The following TMEM150C variants were observed in gnomAD, a reference collection of about 807,000 sequenced individuals.
TMEM150C encodes the protein transmembrane protein 150C.
A neutral mutation model predicts 29.9 loss-of-function variants in TMEM150C; 10 were observed. The ratio of observed to expected loss-of-function variants is 0.33; its 90% CI spans 0.21 to 0.57. The LOEUF (loss-of-function observed/expected upper bound fraction) is 0.57. TMEM150C is among the 20% of genes least tolerant of loss of function. TMEM150C has a pLI of 0.88. For missense variants in TMEM150C, 251 were observed against 303.6 expected (o/e 0.83, Z 1.29); for synonymous variants, 101 against 112.5 (o/e 0.90, Z 0.64).
intron 6 of TMEM150C, among the ~76,000 whole-genome samples, chr4:82,492,864 G>GTGTGTATA (rs71666742): frequency 7.8e-5 from 7 of 90,272 alleles, no homozygotes; most frequent in South Asian, 3.8e-4. Flanking sequence ...ATATGTTTGT[G>GTGTGTATA]TATATATATA....
At chr4:82,497,676 T>A (rs189412494) in intron 5 of TMEM150C, among the ~76,000 whole-genome samples, 5 of 152,344 alleles carry the variant, frequency 3.3e-5, no homozygotes, top group Admixed American at 2.6e-4. Flanking sequence ...CGACTATTGA[T>A]CAGAAAATTA....
At position 82,485,594 on chromosome 4, in the gene TMEM150C, C is replaced by A. The variant is rs1723134241; in HGVS notation, c.667G>T (p.Val223Phe). 11 of 1,611,276 alleles carry A rather than the reference C, an allele frequency of 6.8e-6. No individual in the cohort carries two copies. The highest frequency in any genetic ancestry group is 9.3e-6 in the Non-Finnish European group (11 of 1,178,788). ...VEFRHYRYEI[V>F]CSEYQENFLS... ...AAATTCTCCTGGTACTCAGAGCAAA[C>A]AATCTCATAGCGGTAATGCCGGAAC... Residue 223 changes from valine (V) to phenylalanine (F), a missense_variant, in exon 8 of 8, where the codon GTT becomes TTT. Physicochemically the swap from Val to Phe is conservative, Grantham distance 50. Coordinates refer to ENST00000449862, the MANE Select transcript of TMEM150C (RefSeq NM_001080506.3).
intron 1 of TMEM150C, among the ~76,000 whole-genome samples, chr4:82,537,107 G>A (rs1432160062): frequency 6.6e-6 from 1 of 151,974 alleles, no homozygotes; most frequent in African/African-American, 2.4e-5. Flanking sequence ...TCAGCCTCCC[G>A]AGCAGCTGAG....
intron 6 of TMEM150C, chr4:82,491,634 A>G: frequency 1.8e-6 from 1 of 568,208 alleles, no homozygotes; most frequent in South Asian, 2.3e-5. Flanking sequence ...TCCTTTCAGC[A>G]CCTTTGGCAG....
chr4:82,505,364 A>G (rs555327110), intron 1 of TMEM150C, among the ~76,000 whole-genome samples: 1 of 152,326 alleles, frequency 6.6e-6, no homozygotes, highest in East Asian at 1.9e-4. Context: ...TTTTCATAAA[A>G]ACATTTATCC....
intron 6 of TMEM150C, chr4:82,490,976 A>G: frequency 1.4e-6 from 1 of 736,482 alleles, no homozygotes; most frequent in Non-Finnish European, 2.5e-6. Context: ...CCACCCGCTT[A>G]GCCAAAGCTC....
chr4:82,498,421 C>T (rs1317227705), intron 5 of TMEM150C, among the ~76,000 whole-genome samples: 1 of 152,212 alleles, frequency 6.6e-6, no homozygotes, highest in Non-Finnish European at 1.5e-5. Flanking sequence ...TCCTGAGCAG[C>T]TGGGACTACA....
intron 1 of TMEM150C, among the ~76,000 whole-genome samples, chr4:82,508,618 A>G (rs1050980206): frequency 6.6e-6 from 1 of 152,074 alleles, no homozygotes; most frequent in Admixed American, 6.6e-5. Flanking sequence ...GGCACCTGCC[A>G]CCACACCCGG....
intron 6 of TMEM150C, among the ~76,000 whole-genome samples, chr4:82,493,445 G>A (rs1017806001): frequency 1.1e-4 from 16 of 151,992 alleles, no homozygotes; most frequent in Non-Finnish European, 2.2e-4. Flanking sequence ...TCTGTCTGCC[G>A]TCCCATATAC....
intron 1 of TMEM150C, among the ~76,000 whole-genome samples, chr4:82,528,720 T>A (rs1348027383): frequency 6.6e-6 from 1 of 151,320 alleles, no homozygotes; most frequent in Admixed American, 6.6e-5. Context: ...TACCTAAGCC[T>A]CCTGGGTAGC....
At chr4:82,504,426 C>G (rs1723834761) in intron 2 of TMEM150C, among the ~76,000 whole-genome samples, 152 bp downstream of exon 2, 2 of 152,094 alleles carry the variant, frequency 1.3e-5, no homozygotes, top group African/African-American at 4.8e-5. Flanking sequence ...GTCTCAAACT[C>G]CTGACCTCAA....
At chr4:82,534,832 A>T (rs1014217243) in intron 1 of TMEM150C, among the ~76,000 whole-genome samples, 31 of 152,352 alleles carry the variant, frequency 2.0e-4, no homozygotes, top group African/African-American at 7.2e-4. Flanking sequence ...AATGAGAGCC[A>T]TGAAGGGGGC....
intron 1 of TMEM150C, among the ~76,000 whole-genome samples, chr4:82,510,591 G>T (rs992610257): frequency 2.0e-5 from 3 of 152,170 alleles, no homozygotes; most frequent in African/African-American, 7.2e-5. Flanking sequence ...TTTTACTGAG[G>T]ATTGAAAATA....
chr4:82,538,529 TAA>T (rs33964923), intron 1 of TMEM150C, among the ~76,000 whole-genome samples: 10,206 of 152,246 alleles, frequency 0.067, 543 homozygotes, highest in African/African-American at 0.14. Flanking sequence ...ATTCAGGATA[TAA>T]GTGTATGTAC....
intron 1 of TMEM150C, among the ~76,000 whole-genome samples, chr4:82,518,422 C>G (rs28712161): frequency 0.19 from 29,178 of 152,130 alleles, 3,172 homozygotes; most frequent in Middle Eastern, 0.32. Flanking sequence ...GTGTTGCTTA[C>G]CAGACCCGGG....
intron 5 of TMEM150C, among the ~76,000 whole-genome samples, chr4:82,498,839 G>A (rs529384239): frequency 4.3e-4 from 66 of 152,234 alleles, no homozygotes; most frequent in African/African-American, 1.5e-3. Flanking sequence ...TGGTCCCTGC[G>A]TTGCTAGCTG....
chr4:82,556,383 G>C (rs1725738157), intron 1 of TMEM150C, among the ~76,000 whole-genome samples: 1 of 152,224 alleles, frequency 6.6e-6, no homozygotes, highest in South Asian at 2.1e-4. Context: ...CAATAAAAAG[G>C]ATGCACAGTG....
At chr4:82,490,703 C>G in intron 6 of TMEM150C, 1 of 341,820 alleles carries the variant, frequency 2.9e-6, no homozygotes, top group South Asian at 2.6e-5. Context: ...CCCACCTCAG[C>G]CTCTGGAGTA....
In TMEM150C at chr4:82,507,660, T is replaced by C. The variant is rs367966977; in HGVS notation, c.-10-2993A>G. 1.3e-3 allele frequency among the ~76,000 whole-genome samples: 196 copies of C among 149,296 alleles called. 1 individual carries two copies. The highest frequency in any genetic ancestry group is 4.4e-3 in the African/African-American group (182 of 41,066). On this transcript the variant is annotated intron_variant, in intron 1 of 7. Transcript: ENST00000449862. The stretch of plus-strand genomic sequence containing the variant: ...GCTGCCTTGGCTTGACAAGTTCAGA[T>C]ACCTGACTGAAAGTACCTTTTTGCA...
Sources: gnomAD v4.1 joint callset for allele counts (sites outside exome capture counted in the v4.1 genomes callset) on GRCh38, gnomAD v4.1.1 for gene constraint, MANE v1.5 for transcripts, NCBI Gene and HGNC (gene_info 2026-07-23, HGNC 2026-07-21) for gene names.